Variants in MYH13 observed in about 807,000 individuals in gnomAD.
The protein encoded by MYH13 is myosin heavy chain 13.
MYH13 carries 177 observed loss-of-function variants against 232.1 expected under a neutral mutation model. That is an observed-to-expected ratio of 0.76 (90% CI 0.67 to 0.86). MYH13 has a LOEUF of 0.86. Ranked by LOEUF, MYH13 falls within the 40% of genes least tolerant of loss-of-function variation. The pLI, the probability that MYH13 is intolerant of heterozygous loss-of-function variation, is 0.00. For missense variants in MYH13, 2,246 were observed against 2,405.9 expected (o/e 0.93, Z 1.39); for synonymous variants, 884 against 923.5 (o/e 0.96, Z 0.78).
Position 10,362,278 on chromosome 17 carries a change from G to C in MYH13, c.349-4C>G. Reference sequence around the variant, plus strand: ...CACAGAAGAGGCCTGAGTAGGTCTGGGAAGATCAGAACATTTATCATTTGG... The same window carrying C: ...CACAGAAGAGGCCTGAGTAGGTCTGCGAAGATCAGAACATTTATCATTTGG... On this transcript the variant is annotated splice_polypyrimidine_tract_variant and splice_region_variant and intron_variant, in intron 4 of 40. Coordinates refer to ENST00000252172, the MANE Select transcript of MYH13 (RefSeq NM_003802.3). 1 of 1,613,804 alleles carries C rather than the reference G, an allele frequency of 6.2e-7. No homozygotes were observed. Among genetic ancestry groups the C allele is most frequent in the Non-Finnish European group, 8.5e-7 (1 of 1,179,774 alleles).
In MYH13 at chr17:10,362,600, A is replaced by C; in HGVS notation, c.205-97T>G. The C allele has an allele frequency of 2.0e-6, 3 of 1,479,206 alleles. No individual in the cohort carries two copies. The South Asian group carries it at 3.6e-5, about 18-fold the overall frequency. 91.6% of individuals were successfully genotyped at this position (1,479,206 alleles called of 1,614,324 possible). A position where few individuals can be genotyped will look rare whatever the true frequency, so the allele number is the denominator to read the frequency against. Reference sequence around the variant, plus strand: ...TGGAAGTAGTGAGATATTGTGGAGGAATTACCGCATTGTGATGGATAATTT... The same window carrying C: ...TGGAAGTAGTGAGATATTGTGGAGGCATTACCGCATTGTGATGGATAATTT... On this transcript the variant is annotated intron_variant, in intron 3 of 40. Transcript: ENST00000252172.
Position 10,350,549 on chromosome 17 carries a change from C to T in MYH13, c.1144+7G>A, listed in dbSNP as rs577223070. 198 of 1,610,942 alleles carry T rather than the reference C, an allele frequency of 1.2e-4. No homozygotes were observed. The highest frequency in any genetic ancestry group is 1.5e-4 in the Non-Finnish European group (181 of 1,179,180). On this transcript the variant is annotated splice_region_variant and intron_variant, in intron 12 of 40. Transcript: ENST00000252172. Reference sequence around the variant, plus strand: ...CCCAATCGCATCCCTTTCCCAGATGCAGTTACCTTCGGTGCCGTCTGGCTC... The same window carrying T: ...CCCAATCGCATCCCTTTCCCAGATGTAGTTACCTTCGGTGCCGTCTGGCTC...
At position 10,318,960 on chromosome 17, in the gene MYH13, C is replaced by T. The variant is rs370432284; in HGVS notation, c.3568G>A (p.Glu1190Lys). 8.1e-5 allele frequency: 130 copies of T among 1,614,152 alleles called. No individual in the cohort carries two copies. The highest frequency in any genetic ancestry group is 5.1e-4 in the East Asian group (23 of 44,876). Residue 1190 changes from glutamate to lysine, a missense_variant, in exon 27 of 41, where the codon GAA (glutamate) becomes AAA (lysine). Transcript: ENST00000252172. ...TTCCTCAGGGTGGCTGCTGTGGCTT[C>T]GTGCTGCAGGGTGGCCTCCTCCAGG... The part of the protein sequence containing the change: ...RDLEEATLQH[E>K]ATAATLRKKQ...
chr17:10,364,440 G>A lies in MYH13; in HGVS notation c.91C>T (p.Pro31Ser). 6.2e-7 allele frequency: 1 copy of A among 1,613,300 alleles called. No homozygotes were observed. The highest frequency in any genetic ancestry group is 8.5e-7 in the Non-Finnish European group (1 of 1,179,618). The change falls in exon 3 of 41, where the codon CCA becomes TCA. Residue 31 changes from proline to serine, a missense_variant. By Grantham distance (74) the Pro-to-Ser change is moderately conservative (BLOSUM62 -1). Coordinates refer to ENST00000252172, the MANE Select transcript of MYH13 (RefSeq NM_003802.3). ...EKERIEAQNR[P>S]FDSKKACFVA... is the part of the protein sequence containing the mutation. ...AAGCAGGCTTTCTTGGAATCGAATG[G>A]ACGATTTTGAGCCTCGATTCTCTCC...
rs2071611563 is a variant in MYH13, at chr17:10,340,351, G to A, written c.1945C>T (p.Gln649Ter). The A allele has an allele frequency of 1.2e-6, 2 of 1,613,842 alleles. No individual in the cohort carries two copies. Among genetic ancestry groups the A allele is most frequent in the Admixed American group, 1.7e-5 (1 of 59,998 alleles). Reference sequence around the variant, plus strand: ...ACCCTGAACACGGCCGACACGGTCTGGAAAGAGGAGCCCTTCTTCTTCCCG... The same window carrying A: ...ACCCTGAACACGGCCGACACGGTCTAGAAAGAGGAGCCCTTCTTCTTCCCG... ...KGGKKKGSSF[Q>*]TVSAVFRENL... is the part of the protein sequence containing the mutation. Residue 649 changes from glutamine (Q) to a stop codon, truncating the protein, a stop_gained, in exon 17 of 41, where the codon CAG (glutamine) becomes TAG (stop). Transcript: ENST00000252172. LOFTEE classifies it high-confidence loss of function.
intron 7 of MYH13, 114 bp downstream of exon 7, chr17:10,359,846 T>A: frequency 2.2e-6 from 2 of 901,210 alleles, no homozygotes; most frequent in Non-Finnish European, 3.5e-6. Context: ...AAAGAAAGAA[T>A]TTTTCCTATT....
At position 10,355,114 on chromosome 17, in the gene MYH13, C is replaced by T; in HGVS notation, c.772G>A (p.Gly258Arg). ...TCGATGTCTGCCGATGCCAGCTTTC[C>T]TGTGGCTCCAAAATGAATCCGAATG... ...KFIRIHFGAT[G>R]KLASADIETY... is the part of the protein sequence containing the mutation. Residue 258 changes from glycine to arginine, a missense_variant, in exon 9 of 41, where the codon GGA (glycine) becomes AGA (arginine). Coordinates refer to ENST00000252172, the MANE Select transcript of MYH13 (RefSeq NM_003802.3). 6.3e-7 allele frequency: 1 copy of T among 1,591,670 alleles called. No homozygotes were observed. The highest frequency in any genetic ancestry group is 2.3e-5 in the East Asian group (1 of 44,196).
intron 27 of MYH13, among the ~76,000 whole-genome samples, chr17:10,316,263 C>G (rs1906709062): frequency 6.6e-6 from 1 of 152,174 alleles, no homozygotes; most frequent in Non-Finnish European, 1.5e-5. Context: ...GAGTTTGAGA[C>G]TAGCCTGACC....
intron 21 of MYH13, among the ~76,000 whole-genome samples, chr17:10,329,548 G>C (rs889509886): frequency 2.6e-5 from 4 of 152,156 alleles, no homozygotes; most frequent in Non-Finnish European, 5.9e-5. Context: ...ATCAATGACA[G>C]GGTGCAGCCT....
chr17:10,362,811 G>T (rs2142275627), intron 3 of MYH13, among the ~76,000 whole-genome samples: 1 of 152,242 alleles, frequency 6.6e-6, no homozygotes, highest in East Asian at 1.9e-4. Context: ...CCTATTTGTT[G>T]TGAGTGCTGT....
Position 10,342,917 on chromosome 17 carries a change from T to C in MYH13, c.1894+883A>G, listed in dbSNP as rs553838572. Among the ~76,000 whole-genome samples the C allele has an allele frequency of 3.8e-3, 585 of 152,000 alleles. 2 individuals carry two copies. Among genetic ancestry groups the C allele is most frequent in the African/African-American group, 0.013 (556 of 41,480 alleles). ...CATCCTGGCCACCATGATGGAACCC[T>C]GTCTCTACTAAAAATACAAAAAATT... On this transcript the variant is annotated intron_variant, in intron 16 of 40. Coordinates refer to ENST00000252172, the MANE Select transcript of MYH13 (RefSeq NM_003802.3).
chr17:10,355,287 C>G, intron 8 of MYH13, 140 bp from the exon 9 acceptor site: 1 of 935,250 alleles, frequency 1.1e-6, no homozygotes, highest in East Asian at 2.6e-5. Context: ...TTTGGTGAAC[C>G]TTCTGGATTT....
chr17:10,337,227 T>C (rs1756646965), intron 18 of MYH13, among the ~76,000 whole-genome samples: 1 of 152,168 alleles, frequency 6.6e-6, no homozygotes, highest in African/African-American at 2.4e-5. Context: ...GTCTTTTTAA[T>C]GGTAACCATC....
chr17:10,336,392 C>T (rs1052227235), intron 18 of MYH13, among the ~76,000 whole-genome samples: 2 of 152,222 alleles, frequency 1.3e-5, no homozygotes, highest in Non-Finnish European at 2.9e-5. Flanking sequence ...TTCCATCCCA[C>T]TCCTTTCTCC....
At chr17:10,352,451 G>T (rs748799063) in intron 11 of MYH13, among the ~76,000 whole-genome samples, 4 of 152,080 alleles carry the variant, frequency 2.6e-5, no homozygotes, top group Non-Finnish European at 4.4e-5. Context: ...TTAGCCGAGC[G>T]TGGTGACAGG....
intron 22 of MYH13, among the ~76,000 whole-genome samples, chr17:10,326,581 C>T (rs1907203778): frequency 6.6e-6 from 1 of 151,904 alleles, no homozygotes. Context: ...AGTGATTCTC[C>T]TGCCTCAGCC....
intron 1 of MYH13, among the ~76,000 whole-genome samples, chr17:10,371,675 G>A (rs900490924): frequency 1.3e-5 from 2 of 152,178 alleles, no homozygotes; most frequent in Admixed American, 6.5e-5. Context: ...TAGAGAAACC[G>A]CTTCTGACTG....
chr17:10,312,827 G>A (rs1163269052), intron 30 of MYH13, 70 bp from the exon 31 acceptor site: 5 of 1,480,784 alleles, frequency 3.4e-6, no homozygotes, highest in East Asian at 4.8e-5. Context: ...TGTCAGATGG[G>A]AAGAGAAATG....
intron 5 of MYH13, among the ~76,000 whole-genome samples, chr17:10,360,833 T>C (rs1249037584): frequency 1.3e-5 from 2 of 152,056 alleles, no homozygotes; most frequent in Non-Finnish European, 2.9e-5. Context: ...CAGAAGAAAT[T>C]TGGAGACACA....
Sources: gnomAD v4.1 joint callset for allele counts (sites outside exome capture counted in the v4.1 genomes callset) on GRCh38, gnomAD v4.1.1 for gene constraint, MANE v1.5 for transcripts, NCBI Gene and HGNC (gene_info 2026-07-23, HGNC 2026-07-21) for gene names.